PTPRD: variants seen among roughly 807,000 people sequenced by gnomAD.
PTPRD encodes protein tyrosine phosphatase receptor type D.
PTPRD carries 34 observed loss-of-function variants against 214.5 expected under a neutral mutation model. The ratio of observed to expected loss-of-function variants is 0.16; its 90% confidence interval spans 0.12 to 0.21. The LOEUF is 0.21. Among genes scored for constraint, PTPRD ranks in the 10% least tolerant of loss-of-function variants. PTPRD has a pLI of 1.00. For synonymous variants in PTPRD, 1,128 were observed against 845.7 expected, an observed-to-expected ratio of 1.33 and a Z score of -5.79; for missense variants, 2,545 against 2,398.7, an observed-to-expected ratio of 1.06 and a Z score of -1.27.
At chr9:10,060,228 G>A (rs767679111) in intron 3 of PTPRD, among the ~76,000 whole-genome samples, 6 of 151,934 alleles carry the variant, frequency 3.9e-5, no homozygotes, top group Non-Finnish European at 7.4e-5. Context: ...TCATATATGC[G>A]TTATAACGTT....
At chr9:9,324,345 G>C (rs1968568609) in intron 9 of PTPRD, among the ~76,000 whole-genome samples, 1 of 152,118 alleles carries the variant, frequency 6.6e-6, no homozygotes, top group African/African-American at 2.4e-5. Flanking sequence ...AACCTCTCCA[G>C]CACCTGTTGT....
chr9:8,594,633 C>CATGGT (rs765241538), intron 14 of PTPRD, among the ~76,000 whole-genome samples: 3 of 151,982 alleles, frequency 2.0e-5, no homozygotes, highest in Non-Finnish European at 4.4e-5. Context: ...CTCACAAGAT[C>CATGGT]ATGGTTTTAT....
At position 10,585,134 on chromosome 9, in the gene PTPRD, T is replaced by C. The variant is rs562941398; in HGVS notation, c.-600+27264A>G. On this transcript the variant is annotated intron_variant, in intron 2 of 45. Transcript: ENST00000381196. ...ATATTTAGTAATATTAAATATAGTT[T>C]CCCGTCAGTGGGGAGAATTACACAA... 5.3e-5 allele frequency among the ~76,000 whole-genome samples: 8 copies of C among 152,220 alleles called. No homozygotes were observed. In the East Asian group the frequency reaches 1.4e-3, roughly 26 times the overall value.
chr9:8,824,178 T>G (rs1335133978), intron 11 of PTPRD, among the ~76,000 whole-genome samples: 1 of 152,212 alleles, frequency 6.6e-6, no homozygotes, highest in Non-Finnish European at 1.5e-5. Context: ...ATCCTGTGAC[T>G]TAGAATGCCT....
intron 3 of PTPRD, among the ~76,000 whole-genome samples, chr9:10,247,216 G>C (rs2092250208): frequency 6.6e-6 from 1 of 152,056 alleles, no homozygotes; most frequent in Non-Finnish European, 1.5e-5. Flanking sequence ...AGAGACAATA[G>C]TATCTCAAAT....
At chr9:9,566,763 C>A (rs1198489312) in intron 8 of PTPRD, among the ~76,000 whole-genome samples, 3 of 152,002 alleles carry the variant, frequency 2.0e-5, no homozygotes, top group African/African-American at 4.8e-5. Context: ...GGCAGTAAAA[C>A]CTTTGGACAT....
At chr9:10,423,693 A>C (rs2098578171) in intron 2 of PTPRD, among the ~76,000 whole-genome samples, 1 of 151,974 alleles carries the variant, frequency 6.6e-6, no homozygotes, top group Admixed American at 6.6e-5. Context: ...GCAATTGGGT[A>C]GCATTAAATT....
At chr9:9,935,397 T>A (rs1300060939) in intron 5 of PTPRD, among the ~76,000 whole-genome samples, 1 of 152,100 alleles carries the variant, frequency 6.6e-6, no homozygotes, top group Non-Finnish European at 1.5e-5. Context: ...ACAAAATCAA[T>A]GTACAAAAAT....
At chr9:8,647,642 C>T (rs1408107878) in intron 12 of PTPRD, among the ~76,000 whole-genome samples, 1 of 151,992 alleles carries the variant, frequency 6.6e-6, no homozygotes, top group Non-Finnish European at 1.5e-5. Flanking sequence ...TGAATTACTC[C>T]TACATGTAAA....
At chr9:9,769,218 T>C (rs958570116) in intron 5 of PTPRD, among the ~76,000 whole-genome samples, 3 of 151,742 alleles carry the variant, frequency 2.0e-5, no homozygotes, top group Non-Finnish European at 4.4e-5. Context: ...CGATATATTT[T>C]GTAAACTACA....
chr9:10,256,772 T>C (rs917039247), intron 3 of PTPRD, among the ~76,000 whole-genome samples: 10 of 152,204 alleles, frequency 6.6e-5, no homozygotes, highest in African/African-American at 2.4e-4. Context: ...ATCATGTGTC[T>C]TTTGAAAATG....
At chr9:9,412,242 C>T (rs542331408) in intron 8 of PTPRD, among the ~76,000 whole-genome samples, 2 of 152,166 alleles carry the variant, frequency 1.3e-5, no homozygotes, top group East Asian at 1.9e-4. Context: ...TGCCTTATTT[C>T]AAATGATAAT....
At chr9:10,264,868 T>A (rs1356828849) in intron 3 of PTPRD, among the ~76,000 whole-genome samples, 2 of 152,076 alleles carry the variant, frequency 1.3e-5, no homozygotes, top group African/African-American at 4.8e-5. Context: ...CAGGGGGAGA[T>A]AATTGAATCA....
At chr9:8,961,063 T>A (rs1297580657) in intron 11 of PTPRD, among the ~76,000 whole-genome samples, 1 of 152,068 alleles carries the variant, frequency 6.6e-6, no homozygotes, top group African/African-American at 2.4e-5. Context: ...ATAAGTAGTT[T>A]ATAATATAAT....
At chr9:9,019,101 G>A (rs927795954) in intron 10 of PTPRD, among the ~76,000 whole-genome samples, 3 of 151,888 alleles carry the variant, frequency 2.0e-5, no homozygotes, top group African/African-American at 7.3e-5. Flanking sequence ...AACCTATGAA[G>A]AATTCTTACA....
intron 3 of PTPRD, among the ~76,000 whole-genome samples, chr9:10,129,813 A>C (rs1265945232): frequency 1.3e-5 from 2 of 152,078 alleles, no homozygotes; most frequent in Non-Finnish European, 2.9e-5. Flanking sequence ...TGGTATTGTT[A>C]ATAAATAATA....
rs578018562 is a variant in PTPRD, at chr9:8,950,348, T to C, written c.-104+68349A>G. Among the ~76,000 whole-genome samples, 3 of 152,168 alleles carry C rather than the reference T, an allele frequency of 2.0e-5. No individual in the cohort carries two copies. The South Asian group carries it at 6.2e-4, about 32-fold the overall frequency. On this transcript the variant is annotated intron_variant, in intron 11 of 45. Transcript: ENST00000381196. ...AGTGCAAAGTTAAAATTTTCCAACA[T>C]ATTCCTCACAATTGACATCCAACAT...
chr9:8,902,150 G>A (rs1336760051), intron 11 of PTPRD, among the ~76,000 whole-genome samples: 2 of 151,512 alleles, frequency 1.3e-5, no homozygotes, highest in Admixed American at 1.3e-4. Context: ...ATCTCATTTA[G>A]GCTTCCACCA....
At chr9:8,584,275 G>A (rs1419807686) in intron 14 of PTPRD, among the ~76,000 whole-genome samples, 3 of 152,082 alleles carry the variant, frequency 2.0e-5, no homozygotes, top group Non-Finnish European at 4.4e-5. Flanking sequence ...CATTTCTGCA[G>A]TCATCAATGA....
Sources: allele counts gnomAD v4.1 joint callset (sites outside exome capture counted in the v4.1 genomes callset), GRCh38; gene constraint gnomAD v4.1.1; transcripts MANE v1.5; gene names NCBI Gene and HGNC (gene_info 2026-07-23, HGNC 2026-07-21).